The following TNN variants were observed in gnomAD, a reference collection of about 807,000 sequenced individuals.
The protein encoded by TNN is tenascin N, also known as tenascin-N.
Under a neutral mutation model 134.4 loss-of-function variants are expected in TNN, and 122 were observed. The ratio of observed to expected loss-of-function variants is 0.91; its 90% CI spans 0.78 to 1.06. The LOEUF (loss-of-function observed/expected upper bound fraction) is 1.06. Among genes scored for constraint, TNN ranks in the 50% least tolerant of loss-of-function variants. The pLI is 0.00. For missense variants in TNN, 1,739 were observed against 1,699.4 expected, an observed-to-expected ratio of 1.02 and a Z score of -0.41; for synonymous variants, 710 against 670.3, an observed-to-expected ratio of 1.06 and a Z score of -0.91.
At chr1:175,135,456 AG>A (rs1675776778) in intron 15 of TNN, among the ~76,000 whole-genome samples, 1 of 152,232 alleles carries the variant, frequency 6.6e-6, no homozygotes, top group South Asian at 2.1e-4. Context: ...AGGGGAAAAA[AG>A]ATGCCATAAA....
At chr1:175,125,744 TC>T (rs1675504499) in intron 12 of TNN, among the ~76,000 whole-genome samples, 1 of 144,324 alleles carries the variant, frequency 6.9e-6, no homozygotes, top group African/African-American at 2.7e-5. Context: ...TTTCTTTCTT[TC>T]TTTCTTTCTT....
At chr1:175,087,340 G>A (rs536665226) in intron 6 of TNN, among the ~76,000 whole-genome samples, 1 of 152,312 alleles carries the variant, frequency 6.6e-6, no homozygotes, top group South Asian at 2.1e-4. Flanking sequence ...AGTCAATTAC[G>A]TGTTGAGTAC....
chr1:175,140,216 A>T (rs1324917217), intron 17 of TNN, among the ~76,000 whole-genome samples: 1 of 152,218 alleles, frequency 6.6e-6, no homozygotes, highest in East Asian at 1.9e-4. Context: ...GTCCACATGG[A>T]GTCCATCTGA....
chr1:175,123,495 A>C lies in TNN; in HGVS notation c.2746A>C (p.Met916Leu), dbSNP rs147999369. The C allele has an allele frequency of 9.9e-3, 15,948 of 1,614,218 alleles. 119 individuals carry two copies. The highest frequency in any genetic ancestry group is 0.011 in the Non-Finnish European group (12,815 of 1,180,042). The change falls in exon 12 of 19, where the codon ATG becomes CTG. Residue 916 changes from methionine (M) to leucine (L), a missense_variant. Transcript: ENST00000239462. ...DPVQATIDKYMVRYTSADGET... is the reference protein window; with the variant it reads ...DPVQATIDKYLVRYTSADGET... ...GGTTCAGGCCACCATTGACAAGTAC[A>C]TGGTGCGCTACACCTCTGCTGACGG... is the stretch of plus-strand genomic sequence containing the variant.
intron 6 of TNN, among the ~76,000 whole-genome samples, chr1:175,090,951 G>A (rs1457674638): frequency 1.9e-4 from 29 of 152,222 alleles, no homozygotes; most frequent in Admixed American, 1.9e-3. Flanking sequence ...AGGGTGGGGA[G>A]AGCCTGTCTT....
At chr1:175,088,686 G>A (rs1181617868) in intron 6 of TNN, among the ~76,000 whole-genome samples, 2 of 152,164 alleles carry the variant, frequency 1.3e-5, no homozygotes, top group South Asian at 4.1e-4. Context: ...TACTTAGCCT[G>A]GAAAACCCTT....
At chr1:175,122,452 AGGTT>A (rs1192851962) in intron 11 of TNN, among the ~76,000 whole-genome samples, 78 of 75,730 alleles carry the variant, frequency 1.0e-3, no homozygotes, top group African/African-American at 3.6e-3. Flanking sequence ...CAGTGTTTGA[AGGTT>A]GCTAACAAAG....
chr1:175,127,294 C>T (rs944360334), intron 13 of TNN, among the ~76,000 whole-genome samples: 3 of 152,210 alleles, frequency 2.0e-5, no homozygotes, highest in Non-Finnish European at 4.4e-5. Context: ...TCATTTATCA[C>T]CATATCTAAA....
In TNN at chr1:175,146,939, C is replaced by G; in HGVS notation, c.3768C>G (p.Asn1256Lys). ...YGETKHSEGVNWEPWKGHEFS... is the reference protein window; with the variant it reads ...YGETKHSEGVKWEPWKGHEFS... ...TTTTTTTTTTTTGGTAGGGGGTGAACTGGGAGCCTTGGAAAGGACATGAAT... is the reference window on the plus strand; with the variant it reads ...TTTTTTTTTTTTGGTAGGGGGTGAAGTGGGAGCCTTGGAAAGGACATGAAT... The change falls in exon 19 of 19, where the codon AAC becomes AAG. Residue 1256 changes from asparagine to lysine, a missense_variant. Physicochemically the swap from Asn to Lys is moderately conservative, Grantham distance 94. Coordinates refer to ENST00000239462, the MANE Select transcript of TNN (RefSeq NM_022093.2). The G allele has an allele frequency of 6.9e-7, 1 of 1,448,068 alleles. No individual in the cohort carries two copies. The highest frequency in any genetic ancestry group is 9.2e-7 in the Non-Finnish European group (1 of 1,091,568). The allele number at this position is 1,448,068 out of a possible 1,614,324, so 89.7% of individuals were successfully genotyped here.
At chr1:175,123,292 C>G (rs1300474710) in intron 11 of TNN, 108 bp from the exon 12 acceptor site, 1 of 1,309,998 alleles carries the variant, frequency 7.6e-7, no homozygotes, top group Non-Finnish European at 1.1e-6. Flanking sequence ...AAGTGGAATT[C>G]TACCATTATT....
rs751964040 is a variant in TNN, at chr1:175,123,666, A to G, written c.2914+3A>G. On this transcript the variant is annotated splice_donor_region_variant and intron_variant, in intron 12 of 18. Transcript: ENST00000239462. ...GGCTGACACCAAGGCCCAGACAGGT[A>G]CTGAGAGGGACCAGGCCAGGGGAAC... The G allele has an allele frequency of 6.2e-7, 1 of 1,614,120 alleles. No homozygotes were observed. The highest frequency in any genetic ancestry group is 1.7e-5 in the Admixed American group (1 of 60,012).
chr1:175,131,507 G>GTT (rs1255784150), intron 15 of TNN, among the ~76,000 whole-genome samples: 6 of 152,144 alleles, frequency 3.9e-5, no homozygotes, highest in Non-Finnish European at 8.8e-5. Flanking sequence ...ATTATAGGGT[G>GTT]TTTTCATCTC....
chr1:175,127,598 G>A (rs1675565112), intron 13 of TNN, among the ~76,000 whole-genome samples: 2 of 152,220 alleles, frequency 1.3e-5, no homozygotes, highest in Non-Finnish European at 2.9e-5. Context: ...TGGTTCAGAA[G>A]GAAGTTTATT....
In TNN at chr1:175,094,538, T is replaced by G. The variant is rs537228394; in HGVS notation, c.1588+285T>G. 7.9e-5 allele frequency among the ~76,000 whole-genome samples: 12 copies of G among 152,346 alleles called. No homozygotes were observed. In the East Asian group the frequency reaches 1.7e-3, roughly 22 times the overall value. ...AGTAACACTTCCTAATTTTCATTTT[T>G]TAGATGTGAAAACTCAAAACATTGG... On this transcript the variant is annotated intron_variant, in intron 7 of 18. Coordinates refer to ENST00000239462, the MANE Select transcript of TNN (RefSeq NM_022093.2).
intron 12 of TNN, among the ~76,000 whole-genome samples, chr1:175,125,982 T>C (rs968023452): frequency 2.7e-5 from 4 of 149,152 alleles, no homozygotes; most frequent in African/African-American, 9.9e-5. Flanking sequence ...TCTCTCTCTC[T>C]CCTCTATACA....
chr1:175,126,245 G>A (rs1365463022), intron 12 of TNN, among the ~76,000 whole-genome samples: 2 of 151,528 alleles, frequency 1.3e-5, no homozygotes, highest in East Asian at 1.9e-4. Context: ...GGGATGACAG[G>A]CGACCACCAC....
intron 12 of TNN, 133 bp from the exon 13 acceptor site, chr1:175,126,822 G>A (rs1002257771): frequency 3.2e-6 from 3 of 943,102 alleles, no homozygotes; most frequent in Non-Finnish European, 4.6e-6. Flanking sequence ...GAGGAAGAGA[G>A]CCTGCAAACT....
intron 1 of TNN, among the ~76,000 whole-genome samples, chr1:175,069,126 C>T (rs550450441): frequency 6.6e-6 from 1 of 152,070 alleles, no homozygotes; most frequent in Admixed American, 6.6e-5. Context: ...AAGTAACAAA[C>T]TGCCCACATT....
At chr1:175,072,255 C>T (rs1383252619) in intron 1 of TNN, among the ~76,000 whole-genome samples, 2 of 152,136 alleles carry the variant, frequency 1.3e-5, no homozygotes, top group East Asian at 3.9e-4. Flanking sequence ...CCCACCTTCC[C>T]ACACCACCCA....
Sources: allele counts gnomAD v4.1 joint callset (sites outside exome capture counted in the v4.1 genomes callset), GRCh38; gene constraint gnomAD v4.1.1; transcripts MANE v1.5; gene names NCBI Gene and HGNC (gene_info 2026-07-23, HGNC 2026-07-21).